Variants in CNOT10 observed in about 807,000 individuals in gnomAD.
CNOT10 encodes CCR4-NOT transcription complex subunit 10, also known as CCR4-NOT transcription complex, subunit 10.
A neutral mutation model predicts 94.6 loss-of-function variants in CNOT10; 30 were observed. The ratio of observed to expected loss-of-function variants is 0.32; its 90% CI spans 0.24 to 0.43. The LOEUF (loss-of-function observed/expected upper bound fraction) is 0.43, where lower values mean the gene tolerates loss of function less well. CNOT10 is among the 20% of genes least tolerant of loss of function. The probability of loss-of-function intolerance (pLI) is 1.00; values close to 1 mark genes in which losing one functional copy is unlikely to be tolerated. For missense variants in CNOT10, 759 were observed against 877.2 expected, an observed-to-expected ratio of 0.87 and a Z score of 1.70; for synonymous variants, 289 against 301.6, an observed-to-expected ratio of 0.96 and a Z score of 0.43.
rs1411940792 is a variant in CNOT10 at position 32,754,650 on chromosome 3, G to A, written c.1596-4808G>A. 2.8e-5 allele frequency among the ~76,000 whole-genome samples: 4 copies of A among 144,022 alleles called. No individual in the cohort carries two copies. In the South Asian group the frequency reaches 9.4e-4, roughly 34 times the overall value. 94.5% of individuals were successfully genotyped at this position (144,022 alleles called of 152,430 possible). On this transcript the variant is annotated intron_variant, in intron 13 of 18. Coordinates refer to ENST00000328834, the MANE Select transcript of CNOT10 (RefSeq NM_015442.3). ...TTCTTCTGCCTCGACCTCCTGAGTA[G>A]CTGGGACTACAGGGGCATGCGCTAC...
Position 32,702,543 on chromosome 3 carries a change from T to C in CNOT10, c.23-1325T>C, listed in dbSNP as rs1257070914. Among the ~76,000 whole-genome samples, 4 of 152,230 alleles carry C rather than the reference T, an allele frequency of 2.6e-5. 1 individual carries two copies. The highest frequency in any genetic ancestry group is 4.8e-5 in the African/African-American group (2 of 41,456). On this transcript the variant is annotated intron_variant, in intron 1 of 18. Transcript: ENST00000328834. ...AAACTTTTTAAATGTGTTAATATTTTGGATTTCTGAGCCTATGAAAATATT... is the reference window on the plus strand; with the variant it reads ...AAACTTTTTAAATGTGTTAATATTTCGGATTTCTGAGCCTATGAAAATATT...
chr3:32,713,178 G>C, intron 4 of CNOT10, 49 bp from the exon 5 acceptor site: 1 of 1,477,062 alleles, frequency 6.8e-7, no homozygotes, highest in South Asian at 1.3e-5. Context: ...TGAAATGTGT[G>C]CTTTACTTTA....
chr3:32,754,476 C>CA (rs1553637886), intron 13 of CNOT10, among the ~76,000 whole-genome samples: 1,013 of 36,234 alleles, frequency 0.028, 62 homozygotes, highest in African/African-American at 0.087. Context: ...GACTCCGTCT[C>CA]AAAAAAAAAA....
At chr3:32,693,446 G>A (rs908337335) in intron 1 of CNOT10, 1 of 151,938 alleles carries the variant, frequency 6.6e-6, no homozygotes, top group Non-Finnish European at 1.5e-5. Flanking sequence ...TCAAACTCCT[G>A]GACTCAAGCA....
At chr3:32,712,707 C>T (rs1697946782) in intron 4 of CNOT10, among the ~76,000 whole-genome samples, 1 of 152,014 alleles carries the variant, frequency 6.6e-6, no homozygotes, top group Non-Finnish European at 1.5e-5. Flanking sequence ...GGCATGGTGA[C>T]ACATGTTTGT....
At chr3:32,739,072 AT>A (rs1699330943) in intron 13 of CNOT10, among the ~76,000 whole-genome samples, 1 of 151,054 alleles carries the variant, frequency 6.6e-6, no homozygotes, top group Admixed American at 6.6e-5. Context: ...GCCTGGCTAA[AT>A]TTTTGTGTTT....
chr3:32,764,745 T>C lies in CNOT10; in HGVS notation c.1940T>C (p.Phe647Ser). The change falls in exon 17 of 19, where the codon TTC becomes TCC. Residue 647 changes from phenylalanine (F) to serine (S), a missense_variant. This residue lies in a region of CNOT10 where 682 missense variants were observed against 799.4 expected (regional missense o/e 0.85). Coordinates refer to ENST00000328834, the MANE Select transcript of CNOT10 (RefSeq NM_015442.3). ...AACTCTGCCAGGACTGTGATGCTGT[T>C]CAACCTTGGCAGCGCTTACTGCCTG... ...SVNSARTVML[F>S]NLGSAYCLRS... 7 of 1,614,158 alleles carry C rather than the reference T, an allele frequency of 4.3e-6. No individual in the cohort carries two copies. The highest frequency in any genetic ancestry group is 5.9e-6 in the Non-Finnish European group (7 of 1,180,026).
At chr3:32,755,812 G>A (rs936799411) in intron 13 of CNOT10, among the ~76,000 whole-genome samples, 2 of 150,654 alleles carry the variant, frequency 1.3e-5, no homozygotes, top group Middle Eastern at 3.4e-3. Flanking sequence ...GGCATTCTGG[G>A]GACCTAGAGC....
Position 32,727,869 on chromosome 3 carries a change from G to T in CNOT10, c.1214G>T (p.Gly405Val). The T allele has an allele frequency of 1.2e-6, 2 of 1,611,314 alleles. No homozygotes were observed. The highest frequency in any genetic ancestry group is 2.2e-5 in the South Asian group (2 of 90,754). The change falls in exon 10 of 19, where the codon GGG (glycine) becomes GTG (valine). Residue 405 changes from glycine to valine, a missense_variant and splice_region_variant. This residue lies in a region of CNOT10 where 682 missense variants were observed against 799.4 expected (regional missense o/e 0.85). Transcript: ENST00000328834. The part of the protein sequence containing the change: ...LAECCIAANK[G>V]TSEQETKGLP... ...GAATGCTGCATTGCTGCCAATAAGG[G>T]GGTGAGTGCTACTTGGGTATCTTTT...
intron 1 of CNOT10, among the ~76,000 whole-genome samples, chr3:32,699,171 T>C (rs1474871601): frequency 2.0e-5 from 3 of 152,190 alleles, no homozygotes; most frequent in Non-Finnish European, 2.9e-5. Context: ...GTTTGGTGAA[T>C]AGTTTGCTGT....
chr3:32,733,326 T>C (rs954085188), intron 10 of CNOT10, 97 bp from the exon 11 acceptor site: 30 of 979,920 alleles, frequency 3.1e-5, no homozygotes, highest in Non-Finnish European at 3.9e-5. Context: ...TTAAGAACTT[T>C]CTTAAATTTA....
intron 12 of CNOT10, 38 bp downstream of exon 12, chr3:32,735,014 T>C: frequency 6.5e-7 from 1 of 1,541,564 alleles, no homozygotes. Flanking sequence ...GCAAAATCCT[T>C]TCAGGACTTC....
intron 8 of CNOT10, among the ~76,000 whole-genome samples, chr3:32,724,101 C>T (rs1029954074): frequency 2.0e-5 from 3 of 151,878 alleles, no homozygotes; most frequent in Admixed American, 6.6e-5. Context: ...AAAATTAATA[C>T]GGGTGAAAGA....
At chr3:32,759,071 C>T (rs899886492) in intron 13 of CNOT10, among the ~76,000 whole-genome samples, 1 of 151,740 alleles carries the variant, frequency 6.6e-6, no homozygotes, top group Middle Eastern at 3.2e-3. Flanking sequence ...TAGCTTTATT[C>T]CTAGGTTATT....
intron 15 of CNOT10, chr3:32,764,146 G>C (rs1700563687): frequency 3.9e-6 from 1 of 259,154 alleles, no homozygotes; most frequent in Non-Finnish European, 7.1e-6. Context: ...AAACCAGCCT[G>C]ACCAACATGG....
intron 18 of CNOT10, among the ~76,000 whole-genome samples, chr3:32,770,699 C>A (rs1372101783): frequency 6.7e-6 from 1 of 149,878 alleles, no homozygotes; most frequent in Non-Finnish European, 1.5e-5. Flanking sequence ...GGTGACCCAT[C>A]AAATTCTTTT....
chr3:32,764,344 A>AT (rs1353312319), intron 15 of CNOT10, 111 bp from the exon 16 acceptor site: 1 of 1,187,578 alleles, frequency 8.4e-7, no homozygotes, highest in Non-Finnish European at 1.2e-6. Context: ...CTCAAAAAAA[A>AT]AAAAAAGAAA....
At chr3:32,692,951 A>C (rs939340692) in intron 1 of CNOT10, among the ~76,000 whole-genome samples, 1 of 152,094 alleles carries the variant, frequency 6.6e-6, no homozygotes, top group Non-Finnish European at 1.5e-5. Flanking sequence ...AGGCTGAGGT[A>C]GGAGGTCACT....
At chr3:32,720,770 C>G (rs1258283105) in intron 8 of CNOT10, among the ~76,000 whole-genome samples, 5 of 152,126 alleles carry the variant, frequency 3.3e-5, no homozygotes, top group Non-Finnish European at 7.4e-5. Flanking sequence ...CAGGCATGCA[C>G]CACTGTGCCT....
Sources: allele counts gnomAD v4.1 joint callset (sites outside exome capture counted in the v4.1 genomes callset), GRCh38; gene constraint gnomAD v4.1.1; regional missense constraint gnomAD v4.1.1; transcripts MANE v1.5; gene names NCBI Gene and HGNC (gene_info 2026-07-23, HGNC 2026-07-21).